Variants in SLC9A2 observed in about 807,000 individuals in gnomAD.
The protein encoded by SLC9A2 is solute carrier family 9 member A2, also known as sodium/hydrogen exchanger 2.
A neutral mutation model predicts 71.7 loss-of-function variants in SLC9A2; 42 were observed. The observed-to-expected ratio is 0.59, with a 90% CI of 0.46 to 0.76. The LOEUF (loss-of-function observed/expected upper bound fraction) is 0.76. SLC9A2 is among the 30% of genes least tolerant of loss of function. The pLI is 0.00. For synonymous variants in SLC9A2, 396 were observed against 392.5 expected, an observed-to-expected ratio of 1.01 and a Z score of -0.10; for missense variants, 829 against 1,017.4, an observed-to-expected ratio of 0.81 and a Z score of 2.52.
Position 102,659,224 on chromosome 2 carries a change from C to T in SLC9A2, c.753+1197C>T, listed in dbSNP as rs1677003846. 3.3e-5 allele frequency among the ~76,000 whole-genome samples: 5 copies of T among 150,710 alleles called. No homozygotes were observed. In the South Asian group the frequency reaches 1.1e-3, roughly 32 times the overall value. On this transcript the variant is annotated intron_variant, in intron 2 of 11. Transcript: ENST00000233969. ...AGGTGGATCACTTGAAGGTCAGGAG[C>T]TCGAGACAAGCCTGACCGACATGGT...
rs761772030 is a variant in SLC9A2, at chr2:102,701,063, T to C, written c.1587-7T>C. ...TATTAATTTATTGAAAGTTTCTTTA[T>C]TTACAGGTTTAAGAAGTTTGATGAT... On this transcript the variant is annotated splice_region_variant and splice_polypyrimidine_tract_variant and intron_variant, in intron 7 of 11. Transcript: ENST00000233969. 5 of 1,570,930 alleles carry C rather than the reference T, an allele frequency of 3.2e-6. No homozygotes were observed. Among genetic ancestry groups the C allele is most frequent in the Non-Finnish European group, 3.5e-6 (4 of 1,159,282 alleles).
At chr2:102,655,263 C>T (rs1217786752) in intron 1 of SLC9A2, among the ~76,000 whole-genome samples, 1 of 141,962 alleles carries the variant, frequency 7.0e-6, no homozygotes, top group Non-Finnish European at 1.5e-5. Context: ...AAGTGATTCT[C>T]CTGCCTCAGT....
At chr2:102,671,452 GA>G (rs1677250707) in intron 3 of SLC9A2, among the ~76,000 whole-genome samples, 1 of 152,026 alleles carries the variant, frequency 6.6e-6, no homozygotes, top group Non-Finnish European at 1.5e-5. Flanking sequence ...ACATATTCAG[GA>G]AAAAGGAAAA....
chr2:102,699,896 C>T (rs1404349776), intron 7 of SLC9A2, among the ~76,000 whole-genome samples: 1 of 152,060 alleles, frequency 6.6e-6, no homozygotes, highest in Non-Finnish European at 1.5e-5. Flanking sequence ...GGAATCCAAA[C>T]CTCTTCTTTT....
At chr2:102,672,045 G>T (rs1227669007) in intron 3 of SLC9A2, among the ~76,000 whole-genome samples, 1 of 152,070 alleles carries the variant, frequency 6.6e-6, no homozygotes, top group Non-Finnish European at 1.5e-5. Flanking sequence ...GGAGGCGGAG[G>T]TTGCAGTGAG....
At chr2:102,655,210 C>CTT (rs58932567) in intron 1 of SLC9A2, among the ~76,000 whole-genome samples, 38,706 of 138,094 alleles carry the variant, frequency 0.28, 6,328 homozygotes, top group African/African-American at 0.43. Flanking sequence ...TACCCTTATT[C>CTT]TTTTTTTTTT....
chr2:102,632,239 C>CAT (rs369483748), intron 1 of SLC9A2, among the ~76,000 whole-genome samples: 6,620 of 135,950 alleles, frequency 0.049, 500 homozygotes, highest in African/African-American at 0.16. Context: ...ATATATAATA[C>CAT]ATATATATAT....
chr2:102,663,280 G>A, intron 2 of SLC9A2, among the ~76,000 whole-genome samples: 1 of 152,078 alleles, frequency 6.6e-6, no homozygotes, highest in Non-Finnish European at 1.5e-5. Context: ...AAATGATCTT[G>A]AGTGTTACAC....
At chr2:102,694,332 A>T in intron 5 of SLC9A2, 82 bp from the exon 6 acceptor site, 3 of 411,026 alleles carry the variant, frequency 7.3e-6, no homozygotes, top group Non-Finnish European at 1.2e-5. Flanking sequence ...TTTATAAAAA[A>T]TTTATATTAA....
intron 5 of SLC9A2, among the ~76,000 whole-genome samples, chr2:102,688,857 T>C (rs1677607279): frequency 6.6e-6 from 1 of 152,258 alleles, no homozygotes; most frequent in African/African-American, 2.4e-5. Flanking sequence ...AGTTAATCCC[T>C]ATAATAAAAA....
chr2:102,704,484 G>A, intron 9 of SLC9A2, 60 bp from the exon 10 acceptor site: 1 of 1,534,372 alleles, frequency 6.5e-7, no homozygotes, highest in Non-Finnish European at 8.9e-7. Flanking sequence ...GGAATTTCTG[G>A]GGGAAATGAT....
At chr2:102,680,900 G>A (rs1375588655) in intron 3 of SLC9A2, among the ~76,000 whole-genome samples, 3 of 152,102 alleles carry the variant, frequency 2.0e-5, no homozygotes, top group Non-Finnish European at 4.4e-5. Context: ...GACGTGGCAC[G>A]AGCCAAGGAA....
At chr2:102,653,083 C>G (rs1442948668) in intron 1 of SLC9A2, among the ~76,000 whole-genome samples, 1 of 152,168 alleles carries the variant, frequency 6.6e-6, no homozygotes, top group Non-Finnish European at 1.5e-5. Flanking sequence ...AGACACCTGC[C>G]CAGAAAATCT....
At chr2:102,696,742 A>G (rs944662702) in intron 7 of SLC9A2, among the ~76,000 whole-genome samples, 3 of 152,248 alleles carry the variant, frequency 2.0e-5, no homozygotes, top group Non-Finnish European at 4.4e-5. Context: ...GCCTTACCAT[A>G]TAATGAAAGG....
At chr2:102,666,982 C>T (rs1215412678) in intron 3 of SLC9A2, among the ~76,000 whole-genome samples, 1 of 152,132 alleles carries the variant, frequency 6.6e-6, no homozygotes, top group Non-Finnish European at 1.5e-5. Context: ...GCTAGTTTGA[C>T]TTTTGCCATA....
At chr2:102,645,038 A>C (rs1270237241) in intron 1 of SLC9A2, among the ~76,000 whole-genome samples, 1 of 152,174 alleles carries the variant, frequency 6.6e-6, no homozygotes, top group African/African-American at 2.4e-5. Context: ...CAGACACCTC[A>C]TACAGGGGAG....
intron 1 of SLC9A2, among the ~76,000 whole-genome samples, chr2:102,634,164 A>G (rs974164264): frequency 6.6e-6 from 1 of 152,178 alleles, no homozygotes; most frequent in Non-Finnish European, 1.5e-5. Context: ...TTGGTTGTCC[A>G]TGATATTTCT....
At chr2:102,692,532 C>A (rs1323382331) in intron 5 of SLC9A2, among the ~76,000 whole-genome samples, 1 of 152,154 alleles carries the variant, frequency 6.6e-6, no homozygotes, top group African/African-American at 2.4e-5. Flanking sequence ...TGGCCATCTG[C>A]CCACCAAGCA....
chr2:102,624,958 T>G (rs114020046), intron 1 of SLC9A2, among the ~76,000 whole-genome samples: 1,596 of 152,290 alleles, frequency 0.01, 14 homozygotes, highest in Non-Finnish European at 0.018. Context: ...ACTTAGTCTG[T>G]TTTTCTTTGT....
Sources: gnomAD v4.1 joint callset for allele counts (sites outside exome capture counted in the v4.1 genomes callset) on GRCh38, gnomAD v4.1.1 for gene constraint, MANE v1.5 for transcripts, NCBI Gene and HGNC (gene_info 2026-07-23, HGNC 2026-07-21) for gene names.